VPS13B: variants seen among roughly 807,000 people sequenced by gnomAD.
VPS13B encodes the protein vacuolar protein sorting 13 homolog B, also known as intermembrane lipid transfer protein VPS13B.
A neutral mutation model predicts 426.4 loss-of-function variants in VPS13B; 285 were observed. The ratio of observed to expected loss-of-function variants is 0.67; its 90% CI spans 0.61 to 0.74. The LOEUF is 0.74. Ranked by LOEUF, VPS13B falls within the 30% of genes least tolerant of loss-of-function variation. The pLI is 0.00. For missense variants in VPS13B, 4,537 were observed against 4,782.6 expected, an observed-to-expected ratio of 0.95 and a Z score of 1.51; for synonymous variants, 1,676 against 1,676.4, an observed-to-expected ratio of 1.00 and a Z score of 0.01.
At position 99,853,855 on chromosome 8, in the gene VPS13B, G is replaced by C. The variant is rs888809747; in HGVS notation, c.10466G>C (p.Ser3489Thr). The C allele has an allele frequency of 6.2e-7, 1 of 1,614,106 alleles. No homozygotes were observed. Among genetic ancestry groups the C allele is most frequent in the Non-Finnish European group, 8.5e-7 (1 of 1,180,046 alleles). Residue 3489 changes from serine (S) to threonine (T), a missense_variant, in exon 56 of 62, where the codon AGC (serine) becomes ACC (threonine). By Grantham distance (58) the Ser-to-Thr change is moderately conservative (BLOSUM62 1). Coordinates refer to ENST00000357162, the MANE Select transcript of VPS13B (RefSeq NM_152564.5). ...KLCITLNEGK[S>T]ILCDINEFSF... The stretch of plus-strand genomic sequence containing the variant: ...TGCATCACCTTAAATGAAGGCAAGA[G>C]CATCCTCTGTGATATTAATGAGTTC...
chr8:99,294,915 A>G (rs931256049), intron 19 of VPS13B, among the ~76,000 whole-genome samples: 1 of 152,222 alleles, frequency 6.6e-6, no homozygotes, highest in African/African-American at 2.4e-5. Context: ...TAAGGATGGC[A>G]TCATGTGGCT....
At chr8:99,142,079 A>G (rs766570870) in intron 12 of VPS13B, among the ~76,000 whole-genome samples, 2 of 151,988 alleles carry the variant, frequency 1.3e-5, no homozygotes, top group Non-Finnish European at 2.9e-5. Flanking sequence ...CAATCAATCA[A>G]TTAATCTAAT....
chr8:99,777,023 A>G (rs1811774597), intron 41 of VPS13B, 67 bp downstream of exon 41: 18 of 1,530,364 alleles, frequency 1.2e-5, no homozygotes, highest in Non-Finnish European at 1.2e-5. Flanking sequence ...GAGTGTTTTC[A>G]AAAGAGAAGT....
chr8:99,724,995 G>A (rs1055315912), intron 39 of VPS13B, among the ~76,000 whole-genome samples: 1 of 152,018 alleles, frequency 6.6e-6, no homozygotes, highest in African/African-American at 2.4e-5. Context: ...ATAACATCCT[G>A]CTTCCTCTTC....
intron 40 of VPS13B, among the ~76,000 whole-genome samples, chr8:99,773,309 C>T (rs780706343): frequency 2.6e-5 from 4 of 152,178 alleles, no homozygotes; most frequent in South Asian, 2.1e-4. Flanking sequence ...ACAATCATGG[C>T]GGAAGGCAAG....
intron 14 of VPS13B, among the ~76,000 whole-genome samples, chr8:99,151,542 T>G (rs1811080243): frequency 6.6e-6 from 1 of 151,536 alleles, no homozygotes; most frequent in South Asian, 2.1e-4. Context: ...ACTTCTTTGT[T>G]TTTTTTTTGA....
intron 2 of VPS13B, among the ~76,000 whole-genome samples, chr8:99,024,028 G>A (rs1309929688): frequency 3.9e-5 from 6 of 152,180 alleles, no homozygotes; most frequent in Non-Finnish European, 7.3e-5. Flanking sequence ...CCAAAAGTGT[G>A]TAAGTGTTCT....
At chr8:99,722,153 C>T (rs901768084) in intron 39 of VPS13B, among the ~76,000 whole-genome samples, 12 of 152,176 alleles carry the variant, frequency 7.9e-5, no homozygotes, top group Non-Finnish European at 1.8e-4. Flanking sequence ...TCCTTTTTCT[C>T]CTTGAGCAGA....
intron 58 of VPS13B, among the ~76,000 whole-genome samples, chr8:99,867,127 T>G (rs1817148985): frequency 6.6e-6 from 1 of 152,222 alleles, no homozygotes; most frequent in Non-Finnish European, 1.5e-5. Flanking sequence ...CACTAAAATT[T>G]CTACCAGGGG....
At chr8:99,582,901 T>G (rs887430464) in intron 33 of VPS13B, among the ~76,000 whole-genome samples, 1 of 152,308 alleles carries the variant, frequency 6.6e-6, no homozygotes, top group East Asian at 1.9e-4. Context: ...GTGATCCGCC[T>G]GCCTTGGCCT....
chr8:99,765,523 T>C (rs1811173578), intron 39 of VPS13B, among the ~76,000 whole-genome samples: 1 of 152,180 alleles, frequency 6.6e-6, no homozygotes, highest in Admixed American at 6.5e-5. Context: ...GGAATAAGAC[T>C]CCTGGTCAGA....
intron 21 of VPS13B, among the ~76,000 whole-genome samples, chr8:99,418,168 C>G (rs139075303): frequency 3.3e-5 from 5 of 152,196 alleles, no homozygotes; most frequent in Non-Finnish European, 7.4e-5. Context: ...ATTTCCAGTT[C>G]TTAATCTAAG....
At chr8:99,092,851 T>G (rs2132419866) in intron 3 of VPS13B, among the ~76,000 whole-genome samples, 1 of 152,146 alleles carries the variant, frequency 6.6e-6, no homozygotes, top group East Asian at 1.9e-4. Flanking sequence ...GTTTTTAAAA[T>G]AAATTTTGTT....
In VPS13B at chr8:99,776,956, G is replaced by C; in HGVS notation, c.7429G>C (p.Ala2477Pro). 6.2e-7 allele frequency: 1 copy of C among 1,613,792 alleles called. No homozygotes were observed. The highest frequency in any genetic ancestry group is 8.5e-7 in the Non-Finnish European group (1 of 1,179,780). Reference protein sequence around the residue: ...LCHHLDQLGTAAPQYLQPFVS... With the variant: ...LCHHLDQLGTPAPQYLQPFVS... The stretch of plus-strand genomic sequence containing the variant: ...TCATCACCTTGACCAACTAGGCACA[G>C]GTACTCTTTTTTTTAGCATCAGAAT... Residue 2477 changes from alanine to proline, a missense_variant and splice_region_variant, in exon 41 of 62, where the codon GCT (alanine) becomes CCT (proline). Ala to Pro is a conservative substitution (Grantham distance 27). This residue lies in a region of VPS13B where 4,311 missense variants were observed against 4,474.3 expected (regional missense o/e 0.96). Coordinates refer to ENST00000357162, the MANE Select transcript of VPS13B (RefSeq NM_152564.5).
At chr8:99,096,889 A>G (rs530069585) in intron 4 of VPS13B, among the ~76,000 whole-genome samples, 1 of 152,174 alleles carries the variant, frequency 6.6e-6, no homozygotes, top group Non-Finnish European at 1.5e-5. Context: ...TCCTGGGATT[A>G]CAGGTGTAAA....
chr8:99,332,323 C>T (rs1272581701), intron 19 of VPS13B, among the ~76,000 whole-genome samples: 1 of 151,426 alleles, frequency 6.6e-6, no homozygotes, highest in Non-Finnish European at 1.5e-5. Context: ...TTTAACAAGT[C>T]CCAAACATTT....
At chr8:99,737,106 C>CTTGTTTT (rs1833866511) in intron 39 of VPS13B, among the ~76,000 whole-genome samples, 1 of 44,360 alleles carries the variant, frequency 2.3e-5, no homozygotes, top group Non-Finnish European at 4.0e-5. Context: ...AGATGTCCTT[C>CTTGTTTT]TTTTTTTTTT....
intron 41 of VPS13B, 130 bp downstream of exon 41, chr8:99,777,086 G>T: frequency 8.5e-7 from 1 of 1,170,934 alleles, no homozygotes; most frequent in Non-Finnish European, 1.3e-6. Context: ...CAGTGGCAAA[G>T]TTATCCTGGG....
At chr8:99,049,731 C>T (rs1296357013) in intron 3 of VPS13B, among the ~76,000 whole-genome samples, 1 of 151,970 alleles carries the variant, frequency 6.6e-6, no homozygotes, top group Non-Finnish European at 1.5e-5. Flanking sequence ...CCAGGCTGGG[C>T]AAGTTTTCCT....
Sources: gnomAD v4.1 joint callset for allele counts (sites outside exome capture counted in the v4.1 genomes callset) on GRCh38, gnomAD v4.1.1 for gene constraint, gnomAD v4.1.1 regional missense constraint, MANE v1.5 for transcripts, NCBI Gene and HGNC (gene_info 2026-07-23, HGNC 2026-07-21) for gene names.